The following PRELID2 variants were observed in gnomAD, a reference collection of about 807,000 sequenced individuals.
The protein encoded by PRELID2 is PRELI domain containing 2, also known as PRELI domain-containing protein 2.
A neutral mutation model predicts 28.4 loss-of-function variants in PRELID2; 25 were observed. That is an observed-to-expected ratio of 0.88 (90% CI 0.64 to 1.23). The LOEUF is 1.23. Among genes scored for constraint, PRELID2 ranks in the 50% most tolerant of loss-of-function variants. PRELID2 has a pLI of 0.00. For missense variants in PRELID2, 201 were observed against 214.4 expected (o/e 0.94, Z 0.39); for synonymous variants, 76 against 71.6 (o/e 1.06, Z -0.31).
downstream of PRELID2, among the ~76,000 whole-genome samples, chr5:145,469,799 G>T (rs1343416168): frequency 1.3e-5 from 2 of 152,066 alleles, no homozygotes; most frequent in East Asian, 3.9e-4. Context: ...CTGTTATAGG[G>T]AATTAGAACT....
At chr5:145,325,867 C>A in the PRELID2 span, among the ~76,000 whole-genome samples, 1 of 152,160 alleles carries the variant, frequency 6.6e-6, no homozygotes, top group Non-Finnish European at 1.5e-5. Flanking sequence ...AAATTACTGG[C>A]AATGGCCTCT....
chr5:145,290,530 C>T, the PRELID2 span, among the ~76,000 whole-genome samples: 23 of 144,146 alleles, frequency 1.6e-4, no homozygotes, highest in East Asian at 4.2e-3. Context: ...TGTTCTCACT[C>T]ATAGGTGGGA....
the PRELID2 span, among the ~76,000 whole-genome samples, chr5:145,261,837 T>A: frequency 2.6e-5 from 4 of 152,004 alleles, no homozygotes; most frequent in African/African-American, 9.7e-5. Flanking sequence ...CAAACCAAAA[T>A]GAAATCTCTG....
chr5:145,699,200 G>T (rs1246048658), intron 1 of PRELID2, among the ~76,000 whole-genome samples: 18 of 152,114 alleles, frequency 1.2e-4, no homozygotes, highest in Admixed American at 1.2e-3. Flanking sequence ...GCTTCCTGGG[G>T]TAAGAGACAT....
chr5:145,465,295 G>T, the PRELID2 span, among the ~76,000 whole-genome samples: 14 of 152,142 alleles, frequency 9.2e-5, 1 homozygote, highest in African/African-American at 3.4e-4. Flanking sequence ...CCAGACTAGA[G>T]ACAAATTTTT....
chr5:145,491,287 C>T (rs1462837273), intron 1 of PRELID2, among the ~76,000 whole-genome samples: 1 of 152,114 alleles, frequency 6.6e-6, no homozygotes, highest in Non-Finnish European at 1.5e-5. Flanking sequence ...TGTTCTGTCT[C>T]CACTCTCACA....
At chr5:145,511,350 C>T (rs900250887) in intron 1 of PRELID2, among the ~76,000 whole-genome samples, 17 of 152,348 alleles carry the variant, frequency 1.1e-4, no homozygotes, top group African/African-American at 3.6e-4. Context: ...CTAAATCTCA[C>T]ACTATTATAT....
At chr5:145,412,097 T>G in the PRELID2 span, among the ~76,000 whole-genome samples, 1 of 152,144 alleles carries the variant, frequency 6.6e-6, no homozygotes, top group South Asian at 2.1e-4. Context: ...GGGGCTGCTG[T>G]GAAGGTCTCT....
chr5:145,752,147 G>A (rs551121831), downstream of PRELID2, among the ~76,000 whole-genome samples: 1 of 152,190 alleles, frequency 6.6e-6, no homozygotes, highest in African/African-American at 2.4e-5. Context: ...ATGTCTAGCT[G>A]ACTCCTCGCT....
At chr5:145,721,972 G>A (rs1450932785) in intron 1 of PRELID2, among the ~76,000 whole-genome samples, 1 of 152,130 alleles carries the variant, frequency 6.6e-6, no homozygotes, top group Non-Finnish European at 1.5e-5. Context: ...TGTAGGAGAA[G>A]CAAGCAGAAA....
chr5:145,394,088 C>T, the PRELID2 span, among the ~76,000 whole-genome samples: 2 of 152,144 alleles, frequency 1.3e-5, no homozygotes, highest in Non-Finnish European at 2.9e-5. Flanking sequence ...TGGGTATATA[C>T]CCAAAGGATT....
the PRELID2 span, among the ~76,000 whole-genome samples, chr5:145,417,038 G>C: frequency 7.3e-4 from 111 of 151,838 alleles, no homozygotes; most frequent in African/African-American, 2.6e-3. Context: ...GAAGAGAAGA[G>C]ATAAATAGAG....
chr5:145,456,754 A>G, the PRELID2 span, among the ~76,000 whole-genome samples: 37 of 152,220 alleles, frequency 2.4e-4, no homozygotes, highest in African/African-American at 8.2e-4. Flanking sequence ...AAATTTATAA[A>G]TGTGGAAATT....
intron 1 of PRELID2, among the ~76,000 whole-genome samples, chr5:145,511,873 T>C (rs554904575): frequency 3.9e-4 from 60 of 152,244 alleles, no homozygotes; most frequent in Admixed American, 3.9e-3. Context: ...GCCTCCATAG[T>C]GGAAGCTGAC....
At chr5:145,424,156 AT>A in the PRELID2 span, among the ~76,000 whole-genome samples, 1 of 151,536 alleles carries the variant, frequency 6.6e-6, no homozygotes, top group South Asian at 2.1e-4. Flanking sequence ...AGACAGGGAC[AT>A]TTAAGTCTGC....
chr5:145,563,708 T>C (rs1752942520), intron 1 of PRELID2, among the ~76,000 whole-genome samples: 1 of 152,226 alleles, frequency 6.6e-6, no homozygotes, highest in Non-Finnish European at 1.5e-5. Context: ...ATCTCATTTA[T>C]GTGTAAAACC....
chr5:145,411,848 ACCTCAGTT>A, the PRELID2 span, among the ~76,000 whole-genome samples: 2 of 151,936 alleles, frequency 1.3e-5, no homozygotes, highest in Non-Finnish European at 2.9e-5. Context: ...AGGTTCCCAA[ACCTCAGTT>A]CTTGTCTTCT....
At chr5:145,421,464 G>A in the PRELID2 span, among the ~76,000 whole-genome samples, 4 of 150,458 alleles carry the variant, frequency 2.7e-5, no homozygotes, top group South Asian at 2.1e-4. Context: ...AGTCTTGGGA[G>A]AGTGTATGTG....
At chr5:145,291,710 G>T in the PRELID2 span, among the ~76,000 whole-genome samples, 1 of 151,948 alleles carries the variant, frequency 6.6e-6, no homozygotes, top group Admixed American at 6.6e-5. Context: ...CAAACCCAAG[G>T]TTACTTAGAT....
Sources: allele counts gnomAD v4.1 joint callset (sites outside exome capture counted in the v4.1 genomes callset), GRCh38; gene constraint gnomAD v4.1.1; transcripts MANE v1.5; gene names NCBI Gene and HGNC (gene_info 2026-07-23, HGNC 2026-07-21).